CTNND2: variants seen among roughly 807,000 people sequenced by gnomAD.
CTNND2 encodes catenin delta-2.
A neutral mutation model predicts 144.4 loss-of-function variants in CTNND2; 22 were observed. The ratio of observed to expected loss-of-function variants is 0.15; its 90% CI spans 0.11 to 0.22. The LOEUF (loss-of-function observed/expected upper bound fraction) is 0.22. CTNND2 is among the 10% of genes least tolerant of loss of function. The pLI is 1.00. For missense variants in CTNND2, 1,353 were observed against 1,618.8 expected, an observed-to-expected ratio of 0.84 and a Z score of 2.82; for synonymous variants, 751 against 695.6, an observed-to-expected ratio of 1.08 and a Z score of -1.25.
chr5:11,038,125 T>C (rs1248410156), intron 16 of CTNND2, among the ~76,000 whole-genome samples: 1 of 152,080 alleles, frequency 6.6e-6, no homozygotes, highest in Non-Finnish European at 1.5e-5. Context: ...GTGCATTTCA[T>C]ATGTGGGGTT....
chr5:11,495,625 TTATTCTG>T (rs960515644), intron 3 of CTNND2, among the ~76,000 whole-genome samples: 1 of 152,300 alleles, frequency 6.6e-6, no homozygotes, highest in African/African-American at 2.4e-5. Context: ...GACTCTTGGC[TTATTCTG>T]GGCATCTTCA....
intron 2 of CTNND2, among the ~76,000 whole-genome samples, chr5:11,580,744 T>C (rs1246214308): frequency 1.3e-5 from 2 of 152,220 alleles, no homozygotes; most frequent in Non-Finnish European, 2.9e-5. Context: ...ATTCATAGTA[T>C]GGTTTCTTAT....
chr5:11,598,438 C>T (rs1581586657), intron 2 of CTNND2, among the ~76,000 whole-genome samples: 1 of 152,152 alleles, frequency 6.6e-6, no homozygotes, highest in South Asian at 2.1e-4. Context: ...CTAAGCGATT[C>T]TTTACCACCA....
chr5:11,742,129 G>T (rs914518301), intron 1 of CTNND2, among the ~76,000 whole-genome samples: 2 of 151,964 alleles, frequency 1.3e-5, no homozygotes, highest in African/African-American at 2.4e-5. Flanking sequence ...GGTGCACCAA[G>T]ATTTCAGAAA....
At chr5:11,166,529 C>T (rs905140941) in intron 11 of CTNND2, among the ~76,000 whole-genome samples, 2 of 150,714 alleles carry the variant, frequency 1.3e-5, no homozygotes, top group South Asian at 2.1e-4. Flanking sequence ...GATTACAGGC[C>T]CGCCACCACG....
At chr5:11,259,441 C>A (rs1034579275) in intron 9 of CTNND2, among the ~76,000 whole-genome samples, 1 of 152,182 alleles carries the variant, frequency 6.6e-6, no homozygotes, top group African/African-American at 2.4e-5. Context: ...CCAGATTGTG[C>A]CATCCTGGAC....
intron 9 of CTNND2, among the ~76,000 whole-genome samples, chr5:11,284,957 C>A (rs780797102): frequency 3.9e-4 from 60 of 152,256 alleles, no homozygotes; most frequent in South Asian, 8.3e-4. Flanking sequence ...CCTGACAGAG[C>A]CCCCCTCCTT....
At chr5:11,418,509 T>C (rs1342088879) in intron 3 of CTNND2, among the ~76,000 whole-genome samples, 2 of 152,208 alleles carry the variant, frequency 1.3e-5, no homozygotes. Flanking sequence ...ATATCAAATT[T>C]ACAGGAAGCT....
intron 3 of CTNND2, among the ~76,000 whole-genome samples, chr5:11,463,192 C>A (rs1304417208): frequency 2.0e-5 from 3 of 152,222 alleles, no homozygotes; most frequent in Non-Finnish European, 2.9e-5. Flanking sequence ...ACACTCTTAA[C>A]ACTATTCCTC....
chr5:11,543,924 T>A (rs1244470487), intron 3 of CTNND2, among the ~76,000 whole-genome samples: 2 of 152,164 alleles, frequency 1.3e-5, no homozygotes, highest in Admixed American at 6.5e-5. Flanking sequence ...TGACCTCATG[T>A]AATTCCCATA....
intron 7 of CTNND2, among the ~76,000 whole-genome samples, chr5:11,374,376 C>T (rs1460369281): frequency 1.3e-5 from 2 of 152,030 alleles, no homozygotes; most frequent in Non-Finnish European, 2.9e-5. Context: ...TAATTTTTAC[C>T]TGGGAGAAGG....
chr5:11,847,491 G>A (rs1254980414), intron 1 of CTNND2, among the ~76,000 whole-genome samples: 2 of 151,886 alleles, frequency 1.3e-5, no homozygotes, highest in Non-Finnish European at 2.9e-5. Flanking sequence ...GGAGGAGGAG[G>A]AGGCAGGTAA....
chr5:11,176,665 C>T (rs1381190141), intron 11 of CTNND2, among the ~76,000 whole-genome samples: 1 of 152,042 alleles, frequency 6.6e-6, no homozygotes, highest in African/African-American at 2.4e-5. Flanking sequence ...GACTGGTTTC[C>T]TTATCCTAAC....
At chr5:11,283,036 A>C (rs1426898136) in intron 9 of CTNND2, among the ~76,000 whole-genome samples, 2 of 152,208 alleles carry the variant, frequency 1.3e-5, no homozygotes, top group East Asian at 1.9e-4. Context: ...TTAATCCTCA[A>C]TAGCCAGTCT....
chr5:11,300,290 A>G (rs1749451923), intron 9 of CTNND2, among the ~76,000 whole-genome samples: 2 of 152,150 alleles, frequency 1.3e-5, no homozygotes, highest in Non-Finnish European at 2.9e-5. Flanking sequence ...TCCACTGAAA[A>G]ACAGGGTAGG....
At chr5:11,383,102 G>C (rs554933098) in intron 7 of CTNND2, among the ~76,000 whole-genome samples, 1 of 152,226 alleles carries the variant, frequency 6.6e-6, no homozygotes, top group South Asian at 2.1e-4. Flanking sequence ...TGATAGACTA[G>C]AACATGCAAA....
chr5:11,510,663 GC>G (rs1771547601), intron 3 of CTNND2, among the ~76,000 whole-genome samples: 1 of 152,160 alleles, frequency 6.6e-6, no homozygotes, highest in Admixed American at 6.5e-5. Flanking sequence ...GGGCACAATG[GC>G]TCATGCCTAT....
At chr5:11,205,133 A>T (rs1440747262) in intron 10 of CTNND2, among the ~76,000 whole-genome samples, 7 of 152,290 alleles carry the variant, frequency 4.6e-5, no homozygotes, top group African/African-American at 1.4e-4. Context: ...TGTGCCTGAG[A>T]CTCAAAGTAA....
intron 1 of CTNND2, among the ~76,000 whole-genome samples, chr5:11,775,793 T>C (rs1790219637): frequency 6.6e-6 from 1 of 152,246 alleles, no homozygotes; most frequent in South Asian, 2.1e-4. Flanking sequence ...TCTGTGAATG[T>C]GACCTTATTT....
Sources: allele counts gnomAD v4.1 joint callset (sites outside exome capture counted in the v4.1 genomes callset), GRCh38; gene constraint gnomAD v4.1.1; transcripts MANE v1.5; gene names NCBI Gene and HGNC (gene_info 2026-07-23, HGNC 2026-07-21).